Variants in MMP26 observed in about 807,000 individuals in gnomAD.
MMP26 encodes matrix metallopeptidase 26.
A neutral mutation model predicts 31.0 loss-of-function variants in MMP26; 33 were observed. That is an observed-to-expected ratio of 1.06 (90% CI 0.81 to 1.42). The LOEUF (loss-of-function observed/expected upper bound fraction) is 1.42, where lower values mean the gene tolerates loss of function less well. Among genes scored for constraint, MMP26 ranks in the 40% most tolerant of loss-of-function variants. The pLI is 0.00. For synonymous variants in MMP26, 122 were observed against 114.9 expected, an observed-to-expected ratio of 1.06 and a Z score of -0.40; for missense variants, 347 against 316.1, an observed-to-expected ratio of 1.10 and a Z score of -0.74.
chr11:4,780,645 A>G (rs1848845895), intron 2 of MMP26, among the ~76,000 whole-genome samples: 1 of 152,130 alleles, frequency 6.6e-6, no homozygotes. Flanking sequence ...CACTTTGGAA[A>G]CAGTTCAGCA....
chr11:4,780,285 G>A (rs921345438), intron 2 of MMP26, among the ~76,000 whole-genome samples: 3 of 152,078 alleles, frequency 2.0e-5, no homozygotes, highest in African/African-American at 7.2e-5. Flanking sequence ...TAAGGATATA[G>A]CAAACAACCC....
rs772092961 is a variant in MMP26 at position 4,803,685 on chromosome 11, G to C, written c.-145+36344G>C. On this transcript the variant is annotated intron_variant, in intron 2 of 7. Transcript: ENST00000380390. ...AAGCTTTGAGGCGGGCTTCACCTGA[G>C]GGCAACTGAAGCACAGCTCTCAAAA... 29 of 1,613,738 alleles carry C rather than the reference G, an allele frequency of 1.8e-5. No individual in the cohort carries two copies. In the South Asian group the frequency reaches 2.9e-4, roughly 16 times the overall value.
chr11:4,808,387 T>A (rs1004789002), intron 2 of MMP26, among the ~76,000 whole-genome samples: 1 of 152,000 alleles, frequency 6.6e-6, no homozygotes, highest in Admixed American at 6.6e-5. Context: ...TAGAGGAAGA[T>A]CTGAACTTGG....
chr11:4,784,717 A>G (rs1157829455), intron 2 of MMP26, among the ~76,000 whole-genome samples: 2 of 152,198 alleles, frequency 1.3e-5, no homozygotes, highest in African/African-American at 4.8e-5. Flanking sequence ...GAGATGGTAC[A>G]TTTGATTTGT....
intron 2 of MMP26, chr11:4,945,452 T>G (rs1175420487): frequency 2.6e-5 from 4 of 152,718 alleles, no homozygotes; most frequent in Non-Finnish European, 4.4e-5. Flanking sequence ...TGTTCCTTAT[T>G]GATTTAACTG....
At chr11:4,957,023 G>A (rs772440820) in intron 2 of MMP26, among the ~76,000 whole-genome samples, 7 of 152,000 alleles carry the variant, frequency 4.6e-5, no homozygotes, top group Non-Finnish European at 8.8e-5. Flanking sequence ...AGATCAAGTC[G>A]TCTGTTTAAG....
At chr11:4,911,552 C>T (rs1850991943) in intron 2 of MMP26, among the ~76,000 whole-genome samples, 1 of 152,192 alleles carries the variant, frequency 6.6e-6, no homozygotes, top group Admixed American at 6.6e-5. Context: ...TCGCTCCAGT[C>T]ACACCGGTCC....
intron 4 of MMP26, 43 bp downstream of exon 4, chr11:4,989,911 A>T (rs1846971496): frequency 9.9e-6 from 15 of 1,507,688 alleles, no homozygotes; most frequent in Non-Finnish European, 1.3e-5. Flanking sequence ...TGGGGTGATG[A>T]CCTCAAAGGG....
rs984659501 is a variant in MMP26, at chr11:4,988,245, T to C, written c.34T>C (p.Leu12=). The C allele has an allele frequency of 3.7e-6, 6 of 1,614,034 alleles. No individual in the cohort carries two copies. In the African/African-American group the frequency reaches 8.0e-5, roughly 22 times the overall value. Residue 12 remains leucine, a synonymous_variant, in exon 3 of 8, where the codon TTG becomes CTG. Transcript: ENST00000380390. The part of the protein sequence containing the change: ...QLVILRVTIF[L]PWCFAVPVPP... ...CGTCATCTTAAGAGTTACTATCTTC[T>C]TGCCCTGGTGTTTCGCCGTTCCAGT... is the stretch of plus-strand genomic sequence containing the variant.
In MMP26 at chr11:4,848,324, G is replaced by T. The variant is rs1302617583; in HGVS notation, c.-145+80983G>T. ...TCATCTTGACACTATAGAGAATAGGGTTTATCAATGGAGGAAGAAGGAAAT... is the reference window on the plus strand; with the variant it reads ...TCATCTTGACACTATAGAGAATAGGTTTTATCAATGGAGGAAGAAGGAAAT... On this transcript the variant is annotated intron_variant, in intron 2 of 7. Transcript: ENST00000380390. 11 of 1,613,922 alleles carry T rather than the reference G, an allele frequency of 6.8e-6. No homozygotes were observed. The highest frequency in any genetic ancestry group is 9.3e-6 in the Non-Finnish European group (11 of 1,179,970).
At chr11:4,803,415 G>A in intron 2 of MMP26, 1 of 1,500,856 alleles carries the variant, frequency 6.7e-7, no homozygotes, top group South Asian at 1.2e-5. Flanking sequence ...AAGTGATGGG[G>A]ATACACTGAC....
intron 2 of MMP26, among the ~76,000 whole-genome samples, chr11:4,970,275 C>A (rs1174689014): frequency 6.6e-6 from 1 of 152,084 alleles, no homozygotes; most frequent in African/African-American, 2.4e-5. Flanking sequence ...TTTTTTTAAA[C>A]CAGTATTTAT....
rs114822611 is a variant in MMP26 at position 4,824,322 on chromosome 11, T to C, written c.-145+56981T>C. Among the ~76,000 whole-genome samples, 332 of 152,248 alleles carry C rather than the reference T, an allele frequency of 2.2e-3. 2 individuals are homozygous for C. The highest frequency in any genetic ancestry group is 7.8e-3 in the African/African-American group (323 of 41,562). On this transcript the variant is annotated intron_variant, in intron 2 of 7. Coordinates refer to ENST00000380390, the MANE Select transcript of MMP26 (RefSeq NM_021801.5). ...TAGCTCGTCTCCAGGAAGACTATCA[T>C]ATATTGCAACATATCAGTGTGGGTC...
intron 2 of MMP26, among the ~76,000 whole-genome samples, chr11:4,899,133 A>C (rs570724194): frequency 6.6e-6 from 1 of 152,204 alleles, no homozygotes; most frequent in African/African-American, 2.4e-5. Context: ...GAATAATTCC[A>C]GGAAAGGACT....
chr11:4,734,086 G>A (rs972959604), intron 1 of MMP26, among the ~76,000 whole-genome samples: 4 of 151,906 alleles, frequency 2.6e-5, no homozygotes, highest in Non-Finnish European at 5.9e-5. Context: ...AATTGATGAT[G>A]TTTTCATCTA....
chr11:4,939,114 T>A (rs72858191), intron 2 of MMP26, among the ~76,000 whole-genome samples: 19,896 of 152,158 alleles, frequency 0.13, 1,503 homozygotes, highest in Middle Eastern at 0.29. Flanking sequence ...CAAAATAGCT[T>A]CCTTATTATT....
At chr11:4,976,869 G>A (rs1340927260) in intron 2 of MMP26, among the ~76,000 whole-genome samples, 1 of 151,954 alleles carries the variant, frequency 6.6e-6, no homozygotes, top group Non-Finnish European at 1.5e-5. Context: ...GGTTCTTCTG[G>A]AGAAGTGTTC....
At chr11:4,760,621 C>T (rs1044095748) in intron 1 of MMP26, among the ~76,000 whole-genome samples, 27 of 152,232 alleles carry the variant, frequency 1.8e-4, no homozygotes, top group Non-Finnish European at 1.6e-4. Context: ...ACTAATATTC[C>T]CATTTTTCAG....
chr11:4,970,245 G>A (rs1846647930), intron 2 of MMP26, among the ~76,000 whole-genome samples: 1 of 152,156 alleles, frequency 6.6e-6, no homozygotes, highest in African/African-American at 2.4e-5. Flanking sequence ...TGAGGTTACT[G>A]ACTCAATAAG....
Sources: allele counts gnomAD v4.1 joint callset (sites outside exome capture counted in the v4.1 genomes callset), GRCh38; gene constraint gnomAD v4.1.1; transcripts MANE v1.5; gene names NCBI Gene and HGNC (gene_info 2026-07-23, HGNC 2026-07-21).